Variants in THRB observed in about 807,000 individuals in gnomAD.
THRB encodes the protein thyroid hormone receptor beta.
THRB carries 12 observed loss-of-function variants against 47.8 expected under a neutral mutation model. The observed-to-expected ratio is 0.25, with a 90% CI of 0.16 to 0.41. THRB has a LOEUF of 0.41. THRB is among the 10% of genes least tolerant of loss of function. THRB has a pLI of 1.00. For synonymous variants in THRB, 218 were observed against 212.2 expected (o/e 1.03, Z -0.24); for missense variants, 348 against 589.2 (o/e 0.59, Z 4.24).
intron 1 of THRB, among the ~76,000 whole-genome samples, chr3:24,457,592 A>C (rs1444833462): frequency 6.6e-6 from 1 of 152,224 alleles, no homozygotes; most frequent in Non-Finnish European, 1.5e-5. Context: ...ATGCGAACAG[A>C]AACCACAGGT....
chr3:24,357,283 C>G (rs1341746837), intron 1 of THRB, among the ~76,000 whole-genome samples: 4 of 118,082 alleles, frequency 3.4e-5, no homozygotes, highest in Admixed American at 1.2e-4. Context: ...AGGAGTCAAG[C>G]AGAAAGGTAA....
At chr3:24,341,905 G>A (rs1194538137) in intron 1 of THRB, among the ~76,000 whole-genome samples, 1 of 152,086 alleles carries the variant, frequency 6.6e-6, no homozygotes, top group East Asian at 1.9e-4. Context: ...GACCAGCCAA[G>A]TCCCATCCAT....
rs139423967 is a variant in THRB, at chr3:24,151,237, A to C, written c.384+1153T>G. Among the ~76,000 whole-genome samples, 438 of 152,316 alleles carry C rather than the reference A, an allele frequency of 2.9e-3. 1 individual carries two copies. Among genetic ancestry groups the C allele is most frequent in the African/African-American group, 0.01 (424 of 41,566 alleles). On this transcript the variant is annotated intron_variant, in intron 6 of 10. Transcript: ENST00000646209. ...AGCAGCCTTCTCCTAAATGTTTCCTAATGTCACGTACAAAAACATAGGGAA... is the reference window on the plus strand; with the variant it reads ...AGCAGCCTTCTCCTAAATGTTTCCTCATGTCACGTACAAAAACATAGGGAA...
chr3:24,181,534 C>T (rs144351551), intron 5 of THRB, among the ~76,000 whole-genome samples: 15 of 152,330 alleles, frequency 9.8e-5, no homozygotes, highest in African/African-American at 2.4e-4. Context: ...ATGATCATTA[C>T]GTCATTCACA....
chr3:24,450,912 T>A (rs1410955006), intron 1 of THRB, among the ~76,000 whole-genome samples: 1 of 152,224 alleles, frequency 6.6e-6, no homozygotes, highest in African/African-American at 2.4e-5. Context: ...TTCATAAATG[T>A]GCATTATGAA....
intron 2 of THRB, among the ~76,000 whole-genome samples, chr3:24,310,412 A>T (rs1044746402): frequency 6.6e-6 from 1 of 152,208 alleles, no homozygotes; most frequent in Admixed American, 6.5e-5. Flanking sequence ...TTACATAAAC[A>T]ACTACTTCTT....
chr3:24,440,153 A>G (rs893900567), intron 1 of THRB, among the ~76,000 whole-genome samples: 1 of 152,284 alleles, frequency 6.6e-6, no homozygotes, highest in East Asian at 1.9e-4. Flanking sequence ...TGATTTTTTT[A>G]AACTTAAGTA....
In THRB at chr3:24,325,055, T is replaced by C. The variant is rs947318948; in HGVS notation, c.-189+12245A>G. On this transcript the variant is annotated intron_variant, in intron 2 of 10. Coordinates refer to ENST00000646209, the MANE Select transcript of THRB (RefSeq NM_001354712.2). ...CTCTTCAGACTGTGTATTAAATTCT[T>C]GCTTCTTGCTTTTGGCTGTCTGTCT... Among the ~76,000 whole-genome samples the C allele has an allele frequency of 2.6e-5, 4 of 152,280 alleles. No homozygotes were observed. In the East Asian group the frequency reaches 7.7e-4, roughly 29 times the overall value.
rs1323785458 is a variant in THRB, at chr3:24,135,845, AT to A, written c.739-2384del. Among the ~76,000 whole-genome samples the A allele has an allele frequency of 1.1e-3, 129 of 114,116 alleles. 2 individuals carry two copies. In the South Asian group the frequency reaches 0.011, roughly 10 times the overall value. The allele number at this position is 114,116 out of a possible 152,430, so 74.9% of individuals were successfully genotyped here. ...CATATATATATATATATATATATAT[AT>A]AATACATAAATATATATTAATTACA... is the stretch of plus-strand genomic sequence containing the variant. On this transcript the variant is annotated intron_variant, in intron 8 of 10. Transcript: ENST00000646209.
chr3:24,249,855 C>T (rs949436205), intron 3 of THRB, among the ~76,000 whole-genome samples: 14 of 152,136 alleles, frequency 9.2e-5, no homozygotes, highest in African/African-American at 3.4e-4. Context: ...CATTTATTCA[C>T]AACAACTATT....
intron 1 of THRB, among the ~76,000 whole-genome samples, chr3:24,398,849 C>G (rs2067177685): frequency 6.6e-6 from 1 of 152,062 alleles, no homozygotes; most frequent in South Asian, 2.1e-4. Flanking sequence ...CAATGATAGA[C>G]TGGATTAAGA....
At chr3:24,366,621 C>CT (rs11389687) in intron 1 of THRB, among the ~76,000 whole-genome samples, 21,096 of 125,776 alleles carry the variant, frequency 0.17, 2,299 homozygotes, top group Middle Eastern at 0.23. Flanking sequence ...CAGCCTCTCA[C>CT]TTTTTTTTTT....
At chr3:24,189,401 G>C (rs2043047702) in intron 5 of THRB, among the ~76,000 whole-genome samples, 1 of 152,174 alleles carries the variant, frequency 6.6e-6, no homozygotes, top group African/African-American at 2.4e-5. Context: ...AAGAAGCAAA[G>C]ATTTTGGGGA....
intron 1 of THRB, among the ~76,000 whole-genome samples, chr3:24,346,143 T>C (rs1167597940): frequency 2.0e-5 from 3 of 152,104 alleles, no homozygotes; most frequent in Admixed American, 1.3e-4. Context: ...ACAATAATTG[T>C]TATATCTTGT....
chr3:24,385,877 C>T (rs746321374), intron 1 of THRB, among the ~76,000 whole-genome samples: 2 of 152,146 alleles, frequency 1.3e-5, no homozygotes, highest in African/African-American at 4.8e-5. Context: ...AATATCAACT[C>T]CTACCCTAAA....
At chr3:24,193,689 T>A (rs149414107) in intron 4 of THRB, among the ~76,000 whole-genome samples, 3 of 152,188 alleles carry the variant, frequency 2.0e-5, no homozygotes, top group Non-Finnish European at 2.9e-5. Flanking sequence ...AAAAAGCCTG[T>A]TGTCACTTGG....
At chr3:24,307,948 A>G (rs2149168543) in intron 2 of THRB, among the ~76,000 whole-genome samples, 1 of 152,318 alleles carries the variant, frequency 6.6e-6, no homozygotes, top group South Asian at 2.1e-4. Context: ...ATGGGCAACC[A>G]CTGAAATAGC....
At chr3:24,233,533 AAGAAAGAAAG>A (rs1276255752) in intron 3 of THRB, among the ~76,000 whole-genome samples, 1 of 137,436 alleles carries the variant, frequency 7.3e-6, no homozygotes, top group Admixed American at 7.4e-5. Context: ...AAGGAAGGAA[AAGAAAGAAAG>A]AGAAAGAAAG....
At chr3:24,307,890 G>A (rs1029198926) in intron 2 of THRB, among the ~76,000 whole-genome samples, 6 of 152,110 alleles carry the variant, frequency 3.9e-5, no homozygotes, top group Admixed American at 1.3e-4. Context: ...ATTAGCTAAT[G>A]GCCTGTTTCC....
Sources: gnomAD v4.1 joint callset for allele counts (sites outside exome capture counted in the v4.1 genomes callset) on GRCh38, gnomAD v4.1.1 for gene constraint, MANE v1.5 for transcripts, NCBI Gene and HGNC (gene_info 2026-07-23, HGNC 2026-07-21) for gene names.